GLB1L2: variants seen among roughly 807,000 people sequenced by gnomAD.
GLB1L2 encodes galactosidase beta 1 like 2.
GLB1L2 carries 68 observed loss-of-function variants against 84.1 expected under a neutral mutation model. That is an observed-to-expected ratio of 0.81 (90% CI 0.67 to 0.99). The LOEUF (loss-of-function observed/expected upper bound fraction) is 0.99, where lower values mean the gene tolerates loss of function less well. Among genes scored for constraint, GLB1L2 ranks in the 50% least tolerant of loss-of-function variants. GLB1L2 has a pLI of 0.00. For missense variants in GLB1L2, 762 were observed against 805.6 expected, an observed-to-expected ratio of 0.95 and a Z score of 0.66; for synonymous variants, 290 against 318.0, an observed-to-expected ratio of 0.91 and a Z score of 0.94.
rs751127248 is a variant in GLB1L2 at position 134,345,115 on chromosome 11, C to T, written c.435C>T (p.Leu145=). Residue 145 remains leucine, a synonymous_variant, in exon 4 of 19, where the codon CTC becomes CTT. Coordinates refer to ENST00000535456, the MANE Select transcript of GLB1L2 (RefSeq NM_001370461.1). ...PGPYICSEMD[L]GGLPSWLLQD... ...CCTACATCTGCAGTGAGATGGACCT[C>T]GGGGGCTTGCCCAGGTAAGCGGGGT... 2.0e-5 allele frequency: 33 copies of T among 1,611,968 alleles called. No individual in the cohort carries two copies. The highest frequency in any genetic ancestry group is 5.5e-5 in the South Asian group (5 of 90,818).
At position 134,364,375 on chromosome 11, in the gene GLB1L2, A is replaced by G. The variant is rs114723326; in HGVS notation, c.781A>G (p.Thr261Ala). The G allele has an allele frequency of 4.3e-3, 6,863 of 1,613,966 alleles. 164 individuals are homozygous for G. The African/African-American group carries it at 0.063, about 15-fold the overall frequency. The change falls in exon 8 of 19, where the codon ACC becomes GCC. Residue 261 changes from threonine (T) to alanine (A), a missense_variant. This residue lies in a region of GLB1L2 where 603 missense variants were observed against 611.7 expected (regional missense o/e 0.99). Transcript: ENST00000535456. ...LQSTHELQLL[T>A]TFLFNVQGTQ... ...GTCAACACACGAGCTGCAGCTACTG[A>G]CCACCTTTCTCTTCAACGTCCAGGT...
chr11:134,358,547 A>C (rs1380341958), intron 6 of GLB1L2, among the ~76,000 whole-genome samples: 1 of 152,260 alleles, frequency 6.6e-6, no homozygotes, highest in Non-Finnish European at 1.5e-5. Context: ...TGGGCAGTGC[A>C]CCGTGGGCAC....
chr11:134,334,876 G>A lies in GLB1L2; in HGVS notation c.86+2729G>A, dbSNP rs537835478. ...GTTGCCTTTCATTCTCTTCCTATTC[G>A]CACTCCATGAACACAAGAATGCCTG... On this transcript the variant is annotated intron_variant, in intron 1 of 18. Transcript: ENST00000535456. The surrounding 1 kb of genome is among the most constrained non-coding windows in gnomAD (Gnocchi z 4.1). Among the ~76,000 whole-genome samples, 22 of 152,102 alleles carry A rather than the reference G, an allele frequency of 1.4e-4. 1 individual carries two copies. The highest frequency in any genetic ancestry group is 6.8e-3 in the Middle Eastern group (2 of 294).
chr11:134,332,018 G>C lies in GLB1L2; in HGVS notation c.-44G>C. 1 of 1,397,406 alleles carries C rather than the reference G, an allele frequency of 7.2e-7. No homozygotes were observed. The highest frequency in any genetic ancestry group is 1.3e-5 in the South Asian group (1 of 79,880). The allele number at this position is 1,397,406 out of a possible 1,614,324, so 86.6% of individuals were successfully genotyped here. ...GAGGCTCCCGCGCGCGGCTGAGTGC[G>C]GACTGGAGTGGGAACCCGGGTCCCC... On this transcript the variant is annotated 5_prime_UTR_variant, in exon 1 of 19. Coordinates refer to ENST00000535456, the MANE Select transcript of GLB1L2 (RefSeq NM_001370461.1).
chr11:134,347,759 C>T (rs971350835), intron 5 of GLB1L2, among the ~76,000 whole-genome samples: 4 of 152,298 alleles, frequency 2.6e-5, no homozygotes, highest in African/African-American at 9.6e-5. Flanking sequence ...TCCACAGAGA[C>T]AGGGATGAGG....
chr11:134,374,777 G>A (rs1435217813), intron 18 of GLB1L2, 59 bp downstream of exon 18: 16 of 1,419,604 alleles, frequency 1.1e-5, no homozygotes, highest in Non-Finnish European at 1.6e-5. Context: ...GCCGTCCCAG[G>A]GAGCCTTCGG....
At chr11:134,356,736 T>C (rs776496787) in intron 6 of GLB1L2, among the ~76,000 whole-genome samples, 9 of 152,184 alleles carry the variant, frequency 5.9e-5, no homozygotes, top group Non-Finnish European at 1.2e-4. Context: ...TGGCTCTATC[T>C]GGGGAGTTTT....
At chr11:134,363,243 C>T (rs117706499) in intron 7 of GLB1L2, among the ~76,000 whole-genome samples, 1,758 of 152,296 alleles carry the variant, frequency 0.012, 15 homozygotes, top group Non-Finnish European at 0.02. Context: ...TGTGCAGTCC[C>T]GCTCTGCCGC....
At chr11:134,347,780 G>A (rs1943572569) in intron 5 of GLB1L2, among the ~76,000 whole-genome samples, 1 of 152,146 alleles carries the variant, frequency 6.6e-6, no homozygotes, top group African/African-American at 2.4e-5. Flanking sequence ...TGATAGCCGG[G>A]AACACCCATC....
chr11:134,370,542 T>C lies in GLB1L2; in HGVS notation c.1215+143T>C. The C allele has an allele frequency of 3.0e-6, 2 of 662,354 alleles. No homozygotes were observed. Among genetic ancestry groups the C allele is most frequent in the Non-Finnish European group, 5.3e-6 (2 of 376,814 alleles). 41.0% of individuals were successfully genotyped at this position (662,354 alleles called of 1,614,324 possible). A position where few individuals can be genotyped will look rare whatever the true frequency, so the allele number is the denominator to read the frequency against. Reference sequence around the variant, plus strand: ...CTGGAGCCCCTCCAGACAGGGAGTGTGGGGGGAGGCAGGCCAGTGCCTGGT... The same window carrying C: ...CTGGAGCCCCTCCAGACAGGGAGTGCGGGGGGAGGCAGGCCAGTGCCTGGT... On this transcript the variant is annotated intron_variant, in intron 12 of 18. Transcript: ENST00000535456. The surrounding 1 kb of genome is among the most constrained non-coding windows in gnomAD (Gnocchi z 4.7).
intron 18 of GLB1L2, 95 bp from the exon 19 acceptor site, chr11:134,374,877 C>T (rs1255103462): frequency 3.0e-6 from 4 of 1,336,832 alleles, no homozygotes; most frequent in Non-Finnish European, 4.2e-6. Flanking sequence ...GCCTGGTTCC[C>T]AAACCCTTTC....
intron 7 of GLB1L2, among the ~76,000 whole-genome samples, chr11:134,363,117 T>C (rs2136282681): frequency 6.6e-6 from 1 of 152,292 alleles, no homozygotes; most frequent in East Asian, 1.9e-4. Context: ...ACTGGCCTCC[T>C]GTCTTCAAAG....
intron 4 of GLB1L2, chr11:134,346,717 T>G (rs986888976): frequency 1.3e-5 from 2 of 152,748 alleles, no homozygotes; most frequent in Non-Finnish European, 2.9e-5. Flanking sequence ...GAGCCCTGAC[T>G]CCAGCTTTGG....
intron 6 of GLB1L2, among the ~76,000 whole-genome samples, chr11:134,358,183 C>T (rs1027730403): frequency 3.9e-5 from 6 of 152,266 alleles, no homozygotes; most frequent in Admixed American, 3.9e-4. Flanking sequence ...GGCATAATAT[C>T]TGCAGGGAAG....
chr11:134,345,480 C>CT (rs112428850), intron 4 of GLB1L2, among the ~76,000 whole-genome samples: 3 of 151,920 alleles, frequency 2.0e-5, no homozygotes, highest in Admixed American at 6.6e-5. Flanking sequence ...CTGTCTGTTT[C>CT]TTTTTTTTGA....
chr11:134,369,617 A>G (rs1943919190), intron 10 of GLB1L2, among the ~76,000 whole-genome samples, 188 bp from the exon 11 acceptor site: 1 of 134,906 alleles, frequency 7.4e-6, no homozygotes, highest in South Asian at 2.4e-4. Context: ...ACCTGGCCTT[A>G]TGGACGCTTG....
At chr11:134,373,266 GGT>G (rs1250981618) in intron 15 of GLB1L2, among the ~76,000 whole-genome samples, 7 of 152,126 alleles carry the variant, frequency 4.6e-5, no homozygotes, top group African/African-American at 1.7e-4. Context: ...CCCGAGGGAG[GGT>G]GCCATCTGCT....
intron 1 of GLB1L2, 41 bp from the exon 2 acceptor site, chr11:134,342,713 G>T (rs774847967): frequency 5.1e-6 from 8 of 1,578,314 alleles, no homozygotes; most frequent in East Asian, 4.5e-5. Context: ...TCTCTCTGCG[G>T]CCCGGAGCCT....
chr11:134,347,141 G>C, intron 4 of GLB1L2, 184 bp from the exon 5 acceptor site: 1 of 606,958 alleles, frequency 1.6e-6, no homozygotes, highest in South Asian at 2.0e-5. Context: ...GCAGGAGTGC[G>C]GGTGGGTGCT....
Sources: gnomAD v4.1 joint callset for allele counts (sites outside exome capture counted in the v4.1 genomes callset) on GRCh38, gnomAD v4.1.1 for gene constraint, gnomAD v4.1.1 regional missense constraint, Gnocchi (gnomAD v3.1) non-coding constraint, MANE v1.5 for transcripts, NCBI Gene and HGNC (gene_info 2026-07-23, HGNC 2026-07-21) for gene names.